Variants in OSCP1 observed in about 807,000 individuals in gnomAD.
OSCP1 encodes the protein organic solute carrier partner 1.
A neutral mutation model predicts 45.1 loss-of-function variants in OSCP1; 35 were observed. That is an observed-to-expected ratio of 0.78 (90% CI 0.59 to 1.03). The LOEUF is 1.03. Among genes scored for constraint, OSCP1 ranks in the 50% least tolerant of loss-of-function variants. The pLI is 0.00. For synonymous variants in OSCP1, 179 were observed against 180.1 expected (o/e 0.99, Z 0.05); for missense variants, 400 against 470.7 (o/e 0.85, Z 1.39).
chr1:36,418,321 C>G lies in OSCP1; in HGVS notation c.1024-66G>C, dbSNP rs199617102. 67 of 1,439,244 alleles carry G rather than the reference C, an allele frequency of 4.7e-5. 2 individuals are homozygous for G. In the East Asian group the frequency reaches 1.4e-3, roughly 31 times the overall value. 89.2% of individuals were successfully genotyped at this position (1,439,244 alleles called of 1,614,324 possible). ...TGCTGGCAGGCCGCCTCTTTGTGCA[C>G]TAGGCACTTAGTTTTTTGTCCCATG... is the stretch of plus-strand genomic sequence containing the variant. On this transcript the variant is annotated intron_variant, in intron 9 of 9. Transcript: ENST00000235532.
At chr1:36,420,166 CG>C (rs1647527808) in intron 8 of OSCP1, among the ~76,000 whole-genome samples, 1 of 137,906 alleles carries the variant, frequency 7.3e-6, no homozygotes, top group Admixed American at 7.0e-5. Context: ...TTTGTAGAGA[CG>C]GGGTTTCACC....
At position 36,432,631 on chromosome 1, in the gene OSCP1, A is replaced by G; in HGVS notation, c.268-42T>C. 3 of 1,611,832 alleles carry G rather than the reference A, an allele frequency of 1.9e-6. No homozygotes were observed. In the South Asian group the frequency reaches 3.3e-5, roughly 18 times the overall value. ...AAGCAAAAGAAATGGGATCATATCA[A>G]AATCAGGTGTGAGAATCTCCAAACA... On this transcript the variant is annotated intron_variant, in intron 2 of 9. Coordinates refer to ENST00000235532, the MANE Select transcript of OSCP1 (RefSeq NM_145047.5).
intron 8 of OSCP1, 168 bp downstream of exon 8, chr1:36,420,308 C>T: frequency 2.4e-6 from 2 of 845,826 alleles, no homozygotes; most frequent in South Asian, 3.8e-5. Flanking sequence ...CTGGAAGATT[C>T]AGGCCATTTC....
At chr1:36,430,946 C>T (rs371948642) in intron 4 of OSCP1, among the ~76,000 whole-genome samples, 42 of 152,298 alleles carry the variant, frequency 2.8e-4, no homozygotes, top group Admixed American at 1.8e-3. Flanking sequence ...TGAGCCACTG[C>T]GCTCCGCCGA....
At chr1:36,421,468 C>A (rs1647612777) in intron 7 of OSCP1, among the ~76,000 whole-genome samples, 1 of 152,194 alleles carries the variant, frequency 6.6e-6, no homozygotes, top group African/African-American at 2.4e-5. Context: ...CCTGTGATCC[C>A]TGTCCACTGG....
At chr1:36,442,255 G>T (rs1369281975) in intron 1 of OSCP1, among the ~76,000 whole-genome samples, 2 of 151,528 alleles carry the variant, frequency 1.3e-5, no homozygotes, top group South Asian at 2.1e-4. Flanking sequence ...GCTAAGGCAG[G>T]GGAGGGAAGG....
At chr1:36,435,758 A>C (rs888438465) in intron 2 of OSCP1, among the ~76,000 whole-genome samples, 2 of 150,992 alleles carry the variant, frequency 1.3e-5, no homozygotes, top group Non-Finnish European at 3.0e-5. Flanking sequence ...TCAGCCTCCC[A>C]AGTAGCTGGG....
chr1:36,420,157 T>G (rs1647526098), intron 8 of OSCP1, among the ~76,000 whole-genome samples: 1 of 151,556 alleles, frequency 6.6e-6, no homozygotes, highest in African/African-American at 2.4e-5. Context: ...TTTTTTTTTT[T>G]TGTAGAGACG....
At position 36,431,835 on chromosome 1, in the gene OSCP1, T is replaced by A; in HGVS notation, c.483A>T (p.Thr161=). 1 of 1,613,246 alleles carries A rather than the reference T, an allele frequency of 6.2e-7. No individual in the cohort carries two copies. The highest frequency in any genetic ancestry group is 1.7e-5 in the Admixed American group (1 of 59,924). The change falls in exon 4 of 10, where the codon ACA becomes ACT. Residue 161 remains threonine, a synonymous_variant. Coordinates refer to ENST00000235532, the MANE Select transcript of OSCP1 (RefSeq NM_145047.5). Reference sequence around the variant, plus strand: ...GCAGGTCTTGGAAGAAGATGAGGAGTGTCTGCCGGATCAGCTGGAACTCCC... The same window carrying A: ...GCAGGTCTTGGAAGAAGATGAGGAGAGTCTGCCGGATCAGCTGGAACTCCC... ...SAGEFQLIRQ[T]LLIFFQDLHI... is the part of the protein sequence containing the mutation.
At chr1:36,440,353 G>C (rs1649048649) in intron 1 of OSCP1, among the ~76,000 whole-genome samples, 1 of 152,172 alleles carries the variant, frequency 6.6e-6, no homozygotes, top group Non-Finnish European at 1.5e-5. Context: ...TTAAATGGAA[G>C]AGCTACAGAG....
intron 1 of OSCP1, among the ~76,000 whole-genome samples, chr1:36,443,184 G>A (rs1458531665): frequency 6.6e-6 from 1 of 151,972 alleles, no homozygotes; most frequent in Non-Finnish European, 1.5e-5. Flanking sequence ...GGCTGGCCTC[G>A]AACTCCTGAC....
chr1:36,439,495 T>G (rs1003583755), intron 1 of OSCP1, among the ~76,000 whole-genome samples: 4 of 152,046 alleles, frequency 2.6e-5, no homozygotes, highest in African/African-American at 7.2e-5. Context: ...CAGAAGGAGA[T>G]CCTGTCTAAA....
chr1:36,428,421 G>A lies in OSCP1; in HGVS notation c.516+3381C>T. On this transcript the variant is annotated intron_variant, in intron 4 of 9. Coordinates refer to ENST00000235532, the MANE Select transcript of OSCP1 (RefSeq NM_145047.5). ...TCCATATAGTTCCCCACTCCTGGAA[G>A]GCAACACTGTGCACTGTGAACAGTT... 8 of 1,614,118 alleles carry A rather than the reference G, an allele frequency of 5.0e-6. No individual in the cohort carries two copies. In the South Asian group the frequency reaches 8.8e-5, roughly 18 times the overall value.
Position 36,427,051 on chromosome 1 carries a change from A to G in OSCP1, c.517-3585T>C, listed in dbSNP as rs538123381. Among the ~76,000 whole-genome samples, 13 of 147,186 alleles carry G rather than the reference A, an allele frequency of 8.8e-5. No homozygotes were observed. The South Asian group carries it at 2.6e-3, about 29-fold the overall frequency. On this transcript the variant is annotated intron_variant, in intron 4 of 9. Coordinates refer to ENST00000235532, the MANE Select transcript of OSCP1 (RefSeq NM_145047.5). ...AGTCTTGCTCTGTCGCCCAGGCTAGAGTACAGTGGCATGATCTCGGCTTAC... is the reference window on the plus strand; with the variant it reads ...AGTCTTGCTCTGTCGCCCAGGCTAGGGTACAGTGGCATGATCTCGGCTTAC...
chr1:36,418,187 C>A lies in OSCP1; in HGVS notation c.1092G>T (p.Leu364=). The change falls in exon 10 of 10, where the codon CTG becomes CTT. Residue 364 remains leucine, a synonymous_variant. Transcript: ENST00000235532. ...GEFEITEQPR[L]STSKGDDLLA... Reference sequence around the variant, plus strand: ...GCAAATCGTCCCCTTTGCTGGTGCTCAGCCTTGGCTGCTCCGTGATCTCAA... The same window carrying A: ...GCAAATCGTCCCCTTTGCTGGTGCTAAGCCTTGGCTGCTCCGTGATCTCAA... 1 of 1,614,192 alleles carries A rather than the reference C, an allele frequency of 6.2e-7. No homozygotes were observed. The highest frequency in any genetic ancestry group is 8.5e-7 in the Non-Finnish European group (1 of 1,180,038).
intron 4 of OSCP1, among the ~76,000 whole-genome samples, chr1:36,430,449 G>A (rs1053480610): frequency 6.6e-6 from 1 of 152,160 alleles, no homozygotes. Context: ...ATGAGGGCCT[G>A]AGCCAGGATG....
rs773406608 is a variant in OSCP1, at chr1:36,438,678, C to T, written c.267+78G>A. 19 of 1,495,604 alleles carry T rather than the reference C, an allele frequency of 1.3e-5. No individual in the cohort carries two copies. In the African/African-American group the frequency reaches 2.7e-4, roughly 21 times the overall value. 92.6% of individuals were successfully genotyped at this position (1,495,604 alleles called of 1,614,324 possible). ...GCAAGGACCATTGCATACATCATCT[C>T]ATGTGACCCCAGTCTATGATCATCC... On this transcript the variant is annotated intron_variant, in intron 2 of 9. Coordinates refer to ENST00000235532, the MANE Select transcript of OSCP1 (RefSeq NM_145047.5).
intron 1 of OSCP1, among the ~76,000 whole-genome samples, chr1:36,444,449 A>G (rs971509012): frequency 2.0e-5 from 3 of 152,172 alleles, no homozygotes. Context: ...CTTTGTATAC[A>G]ATCTGAGTTT....
intron 4 of OSCP1, among the ~76,000 whole-genome samples, chr1:36,426,601 C>G (rs911547318): frequency 6.6e-6 from 1 of 152,234 alleles, no homozygotes; most frequent in Non-Finnish European, 1.5e-5. Context: ...CCTTTCCTCT[C>G]CACCCCAACT....
Sources: gnomAD v4.1 joint callset for allele counts (sites outside exome capture counted in the v4.1 genomes callset) on GRCh38, gnomAD v4.1.1 for gene constraint, MANE v1.5 for transcripts, NCBI Gene and HGNC (gene_info 2026-07-23, HGNC 2026-07-21) for gene names.